The following PPFIBP1 variants were observed in gnomAD, a reference collection of about 807,000 sequenced individuals.
PPFIBP1 encodes liprin-beta-1.
In PPFIBP1, 112 loss-of-function variants were observed where a neutral mutation model predicts 137.8. That is an observed-to-expected ratio of 0.81 (90% confidence interval 0.70 to 0.95). The LOEUF is 0.95. Among genes scored for constraint, PPFIBP1 ranks in the 40% least tolerant of loss-of-function variants. The probability of loss-of-function intolerance (pLI) is 0.00; values close to 1 mark genes in which losing one functional copy is unlikely to be tolerated. For missense variants in PPFIBP1, 1,083 were observed against 1,196.6 expected (o/e 0.91, Z 1.40); for synonymous variants, 378 against 417.3 (o/e 0.91, Z 1.15).
chr12:27,686,855 G>A (rs1245566607), intron 24 of PPFIBP1, among the ~76,000 whole-genome samples: 3 of 151,066 alleles, frequency 2.0e-5, no homozygotes, highest in Non-Finnish European at 4.4e-5. Context: ...GGGCAGTATA[G>A]TGAGATCCTA....
intron 1 of PPFIBP1, among the ~76,000 whole-genome samples, chr12:27,565,623 T>A (rs2049578631): frequency 6.6e-6 from 1 of 152,156 alleles, no homozygotes; most frequent in African/African-American, 2.4e-5. Context: ...CCTAAGCACA[T>A]AACTAATGAC....
intron 2 of PPFIBP1, among the ~76,000 whole-genome samples, chr12:27,606,624 C>T (rs548815166): frequency 1.7e-4 from 26 of 152,078 alleles, no homozygotes; most frequent in African/African-American, 5.8e-4. Context: ...ATGTCTGGGC[C>T]GAAAATAAAC....
intron 1 of PPFIBP1, among the ~76,000 whole-genome samples, chr12:27,572,627 A>G (rs1248153135): frequency 6.6e-6 from 1 of 152,132 alleles, no homozygotes; most frequent in East Asian, 1.9e-4. Context: ...ACCTCGAGGG[A>G]AATTGACTAC....
chr12:27,574,095 T>G (rs1198354210), intron 1 of PPFIBP1, among the ~76,000 whole-genome samples: 1 of 152,074 alleles, frequency 6.6e-6, no homozygotes, highest in Non-Finnish European at 1.5e-5. Context: ...TGGAATCATA[T>G]AAACCTATCT....
chr12:27,609,285 G>A (rs574630006), intron 2 of PPFIBP1, among the ~76,000 whole-genome samples: 12 of 152,286 alleles, frequency 7.9e-5, no homozygotes, highest in African/African-American at 2.9e-4. Flanking sequence ...TACTCATGAC[G>A]TAAATCCCCA....
chr12:27,626,235 G>A (rs572491827), intron 2 of PPFIBP1, among the ~76,000 whole-genome samples: 3 of 152,296 alleles, frequency 2.0e-5, no homozygotes, highest in Admixed American at 6.5e-5. Context: ...CTAAAATGTT[G>A]CACGCATAAG....
intron 27 of PPFIBP1, among the ~76,000 whole-genome samples, chr12:27,689,964 G>C (rs954640396): frequency 2.0e-5 from 3 of 152,114 alleles, no homozygotes; most frequent in African/African-American, 7.2e-5. Context: ...GCGTCTTAAG[G>C]GGCGTTCCTT....
In PPFIBP1 at chr12:27,680,055, C is replaced by T; in HGVS notation, c.1889C>T (p.Ser630Phe). 1.2e-6 allele frequency: 2 copies of T among 1,613,990 alleles called. No individual in the cohort carries two copies. Among genetic ancestry groups the T allele is most frequent in the Non-Finnish European group, 1.7e-6 (2 of 1,179,920 alleles). ...RLGWSRDLGQSNSDLDMPFAK... is the reference protein window; with the variant it reads ...RLGWSRDLGQFNSDLDMPFAK... Reference sequence around the variant, plus strand: ...GGTTGGTCTCGAGACTTGGGACAGTCTAACAGGTAAGAAGAGCCAACTGAT... The same window carrying T: ...GGTTGGTCTCGAGACTTGGGACAGTTTAACAGGTAAGAAGAGCCAACTGAT... The change falls in exon 21 of 30, where the codon TCT becomes TTT. Residue 630 changes from serine (S) to phenylalanine (F), a missense_variant. Ser to Phe is a radical substitution (Grantham distance 155). Coordinates refer to ENST00000228425, the MANE Select transcript of PPFIBP1 (RefSeq NM_003622.4).
intron 1 of PPFIBP1, among the ~76,000 whole-genome samples, chr12:27,562,187 C>T (rs1234120545): frequency 6.6e-6 from 1 of 152,052 alleles, no homozygotes; most frequent in African/African-American, 2.4e-5. Flanking sequence ...TGTTCCTACG[C>T]AGTGACTGTA....
intron 2 of PPFIBP1, among the ~76,000 whole-genome samples, chr12:27,630,812 T>A (rs771643719): frequency 6.6e-6 from 1 of 152,198 alleles, no homozygotes; most frequent in Non-Finnish European, 1.5e-5. Flanking sequence ...CCACTTTGTA[T>A]GCCTTTGCAT....
intron 1 of PPFIBP1, among the ~76,000 whole-genome samples, chr12:27,537,769 A>T (rs1838073572): frequency 6.6e-6 from 1 of 151,856 alleles, no homozygotes; most frequent in Non-Finnish European, 1.5e-5. Context: ...TGGACTGGGC[A>T]TGGGGAGAAA....
chr12:27,563,807 G>A (rs571582211), intron 1 of PPFIBP1, among the ~76,000 whole-genome samples: 2 of 151,646 alleles, frequency 1.3e-5, no homozygotes, highest in Non-Finnish European at 2.9e-5. Context: ...AACATAAAGG[G>A]ACTTAAGGAA....
Position 27,655,013 on chromosome 12 carries a change from C to T in PPFIBP1, c.696+199C>T, listed in dbSNP as rs1042786457. ...ATTTAAAAACAAGGCTTAACTCATC[C>T]GACAGAACATAACCTGCCCTTTCTC... On this transcript the variant is annotated intron_variant, in intron 8 of 29. Transcript: ENST00000228425. 209 of 1,079,186 alleles carry T rather than the reference C, an allele frequency of 1.9e-4. 2 individuals carry two copies. The Admixed American group carries it at 4.5e-3, about 23-fold the overall frequency. The allele number at this position is 1,079,186 out of a possible 1,614,324, so 66.9% of individuals were successfully genotyped here. A position where few individuals can be genotyped will look rare whatever the true frequency, so the allele number is the denominator to read the frequency against.
chr12:27,656,097 G>A (rs1341618346), intron 8 of PPFIBP1, among the ~76,000 whole-genome samples: 1 of 152,200 alleles, frequency 6.6e-6, no homozygotes, highest in African/African-American at 2.4e-5. Flanking sequence ...TGATGAGGGT[G>A]AATTATTTAG....
chr12:27,686,688 T>C (rs2061220437), intron 24 of PPFIBP1, among the ~76,000 whole-genome samples: 2 of 152,164 alleles, frequency 1.3e-5, no homozygotes, highest in Admixed American at 1.3e-4. Flanking sequence ...CAGGGAATAG[T>C]ATAATAAGAG....
At chr12:27,650,281 C>G in intron 7 of PPFIBP1, 140 bp downstream of exon 7, 1 of 545,066 alleles carries the variant, frequency 1.8e-6, no homozygotes, top group South Asian at 7.2e-5. Flanking sequence ...GTACCATCAT[C>G]CTACTTCATT....
At position 27,633,386 on chromosome 12, in the gene PPFIBP1, C is replaced by A; in HGVS notation, c.-11C>A. 6.2e-7 allele frequency: 1 copy of A among 1,613,024 alleles called. No homozygotes were observed. Among genetic ancestry groups the A allele is most frequent in the South Asian group, 1.1e-5 (1 of 91,026 alleles). The stretch of plus-strand genomic sequence containing the variant: ...GATCTGGGTTGGAATTTGCCCCTGA[C>A]AAATAATAAAATGATGAGTGATGCA... On this transcript the variant is annotated 5_prime_UTR_variant, in exon 3 of 30. Transcript: ENST00000228425.
At chr12:27,613,423 A>G (rs2138238025) in intron 2 of PPFIBP1, among the ~76,000 whole-genome samples, 1 of 152,284 alleles carries the variant, frequency 6.6e-6, no homozygotes, top group South Asian at 2.1e-4. Context: ...TCATTCAGAG[A>G]TCAGGCACAG....
rs1292889355 is a variant in PPFIBP1, at chr12:27,563,277, T to TTAA, written c.-123-14875_-123-14874insTAA. On this transcript the variant is annotated intron_variant, in intron 1 of 29. Coordinates refer to ENST00000228425, the MANE Select transcript of PPFIBP1 (RefSeq NM_003622.4). The stretch of plus-strand genomic sequence containing the variant: ...TAACACGGTGAAAACCCATCTCTAC[T>TTAA]AAAAAAAAAAAAAAAAAAAAAAAAA... Among the ~76,000 whole-genome samples, 9 of 22,174 alleles carry TTAA rather than the reference T, an allele frequency of 4.1e-4. No individual in the cohort carries two copies. In the East Asian group the frequency reaches 0.013, roughly 32 times the overall value. The allele number at this position is 22,174 out of a possible 152,430, so 14.5% of individuals were successfully genotyped here. A position where few individuals can be genotyped will look rare whatever the true frequency, so the allele number is the denominator to read the frequency against.
Sources: allele counts gnomAD v4.1 joint callset (sites outside exome capture counted in the v4.1 genomes callset), GRCh38; gene constraint gnomAD v4.1.1; transcripts MANE v1.5; gene names NCBI Gene and HGNC (gene_info 2026-07-23, HGNC 2026-07-21).